The following SACM1L variants were observed in gnomAD, a reference collection of about 807,000 sequenced individuals.
SACM1L encodes the protein phosphatidylinositol-3-phosphatase SAC1.
SACM1L carries 32 observed loss-of-function variants against 89.5 expected under a neutral mutation model. That is an observed-to-expected ratio of 0.36 (90% CI 0.27 to 0.48). The LOEUF (loss-of-function observed/expected upper bound fraction) is 0.48, where lower values mean the gene tolerates loss of function less well. Among genes scored for constraint, SACM1L ranks in the 20% least tolerant of loss-of-function variants. SACM1L has a pLI of 0.99. For synonymous variants in SACM1L, 213 were observed against 232.8 expected, an observed-to-expected ratio of 0.92 and a Z score of 0.77; for missense variants, 543 against 708.5, an observed-to-expected ratio of 0.77 and a Z score of 2.65.
intron 11 of SACM1L, among the ~76,000 whole-genome samples, chr3:45,729,205 G>C (rs1335565449): frequency 6.6e-6 from 1 of 152,068 alleles, no homozygotes; most frequent in Admixed American, 6.6e-5. Flanking sequence ...TCCTGCCTCA[G>C]CCTCCTGAGT....
intron 15 of SACM1L, 42 bp downstream of exon 15, chr3:45,737,694 G>A (rs766269511): frequency 1.3e-6 from 2 of 1,576,406 alleles, no homozygotes; most frequent in Middle Eastern, 1.7e-4. Flanking sequence ...GTCAGATTTT[G>A]AAATAAATTA....
chr3:45,723,633 A>T (rs1332889740), intron 11 of SACM1L, 90 bp downstream of exon 11: 5 of 494,498 alleles, frequency 1.0e-5, no homozygotes, highest in African/African-American at 2.0e-5. Context: ...TTAAGTGTAC[A>T]GTTCAGTGGC....
At chr3:45,693,604 C>G (rs1357005268) in intron 1 of SACM1L, among the ~76,000 whole-genome samples, 1 of 152,236 alleles carries the variant, frequency 6.6e-6, no homozygotes, top group East Asian at 1.9e-4. Context: ...CATGGTAGAG[C>G]TAGCCTTGGA....
At chr3:45,724,770 CAG>C (rs1374877462) in intron 11 of SACM1L, among the ~76,000 whole-genome samples, 1 of 152,018 alleles carries the variant, frequency 6.6e-6, no homozygotes, top group Non-Finnish European at 1.5e-5. Flanking sequence ...TTAGATCTTA[CAG>C]TTAGGTCTTT....
intron 1 of SACM1L, among the ~76,000 whole-genome samples, chr3:45,697,540 G>A (rs1698161409): frequency 6.6e-6 from 1 of 152,094 alleles, no homozygotes; most frequent in African/African-American, 2.4e-5. Context: ...GCCTCCCAAA[G>A]TGCTAGGATT....
At chr3:45,694,122 G>A (rs749270172) in intron 1 of SACM1L, among the ~76,000 whole-genome samples, 15 of 152,284 alleles carry the variant, frequency 9.9e-5, no homozygotes, top group Non-Finnish European at 1.8e-4. Context: ...AAAAGGTTCA[G>A]TGGAAAGTTA....
At chr3:45,732,002 A>T in intron 12 of SACM1L, 51 bp from the exon 13 acceptor site, 1 of 1,076,974 alleles carries the variant, frequency 9.3e-7, no homozygotes, top group Non-Finnish European at 1.4e-6. Flanking sequence ...TATTAATAGA[A>T]GGAAAATGAA....
At chr3:45,727,846 C>T (rs1190409140) in intron 11 of SACM1L, among the ~76,000 whole-genome samples, 2 of 152,284 alleles carry the variant, frequency 1.3e-5, no homozygotes, top group Middle Eastern at 3.4e-3. Context: ...CTGCCCGCCT[C>T]GGCCTTCCAA....
chr3:45,698,023 A>G (rs1352667865), intron 1 of SACM1L, among the ~76,000 whole-genome samples: 1 of 152,242 alleles, frequency 6.6e-6, no homozygotes, highest in Non-Finnish European at 1.5e-5. Flanking sequence ...CAATAAAACA[A>G]TACACACCAG....
At chr3:45,740,163 G>A (rs116650026) in intron 19 of SACM1L, among the ~76,000 whole-genome samples, 3,132 of 152,248 alleles carry the variant, frequency 0.021, 60 homozygotes, top group Non-Finnish European at 0.031. Flanking sequence ...GTGAAAGGAC[G>A]GGGTAGAGGA....
intron 19 of SACM1L, chr3:45,739,866 T>G: frequency 1.7e-6 from 1 of 584,640 alleles, no homozygotes; most frequent in Non-Finnish European, 3.0e-6. Context: ...TAAAAACATG[T>G]TTTTCTTATT....
chr3:45,713,232 C>T (rs1170866547), intron 6 of SACM1L, 36 bp downstream of exon 6: 6 of 1,525,512 alleles, frequency 3.9e-6, no homozygotes, highest in South Asian at 1.1e-5. Flanking sequence ...TTAATTGTTA[C>T]AGTCCAAGCT....
intron 1 of SACM1L, among the ~76,000 whole-genome samples, chr3:45,700,951 C>T (rs942562552): frequency 7.9e-5 from 12 of 152,166 alleles, no homozygotes; most frequent in African/African-American, 1.9e-4. Flanking sequence ...GGATTACAGG[C>T]GTGAGCCACC....
intron 16 of SACM1L, 56 bp from the exon 17 acceptor site, chr3:45,738,520 AAC>A (rs1699250398): frequency 3.9e-6 from 4 of 1,015,032 alleles, no homozygotes; most frequent in Non-Finnish European, 4.6e-6. Context: ...TTGGCCATAA[AAC>A]AGTGTGAGAA....
chr3:45,719,905 G>A (rs1698749231), intron 8 of SACM1L, among the ~76,000 whole-genome samples: 1 of 152,162 alleles, frequency 6.6e-6, no homozygotes, highest in South Asian at 2.1e-4. Flanking sequence ...ACCTAACTTA[G>A]AAAGTATTTT....
At position 45,735,383 on chromosome 3, in the gene SACM1L, C is replaced by T. The variant is rs1553655837; in HGVS notation, c.1239+10C>T. On this transcript the variant is annotated intron_variant, in intron 14 of 19. Transcript: ENST00000389061. ...TCAGGCCCAACTTCAGGTGCGAATG[C>T]TTTTTTTTTTTTTAATTGAAAAACA... is the stretch of plus-strand genomic sequence containing the variant. 2.2e-5 allele frequency: 29 copies of T among 1,288,926 alleles called. No homozygotes were observed. Among genetic ancestry groups the T allele is most frequent in the South Asian group, 8.8e-5 (5 of 56,850 alleles). 79.8% of individuals were successfully genotyped at this position (1,288,926 alleles called of 1,614,324 possible).
In SACM1L at chr3:45,706,346, A is replaced by G. The variant is rs1046231926; in HGVS notation, c.206-434A>G. ...CAGCACATTTCTCTACCATTTAGAG[A>G]GAGACATGAAGGACATAGGAGTGGT... On this transcript the variant is annotated intron_variant, in intron 3 of 19. Transcript: ENST00000389061. 3.3e-5 allele frequency among the ~76,000 whole-genome samples: 5 copies of G among 152,272 alleles called. No homozygotes were observed. The East Asian group carries it at 7.7e-4, about 24-fold the overall frequency.
At chr3:45,696,895 C>G (rs1225491321) in intron 1 of SACM1L, among the ~76,000 whole-genome samples, 1 of 152,092 alleles carries the variant, frequency 6.6e-6, no homozygotes, top group Non-Finnish European at 1.5e-5. Context: ...TATTGCTTTT[C>G]TTAAAATTTA....
At chr3:45,697,164 T>TC (rs1382628439) in intron 1 of SACM1L, among the ~76,000 whole-genome samples, 3 of 152,112 alleles carry the variant, frequency 2.0e-5, no homozygotes, top group Non-Finnish European at 4.4e-5. Context: ...TTTCTTTTTT[T>TC]TTTATTTCAA....
Sources: gnomAD v4.1 joint callset for allele counts (sites outside exome capture counted in the v4.1 genomes callset) on GRCh38, gnomAD v4.1.1 for gene constraint, MANE v1.5 for transcripts, NCBI Gene and HGNC (gene_info 2026-07-23, HGNC 2026-07-21) for gene names.